DYNC2H1: variants seen among roughly 807,000 people sequenced by gnomAD.
DYNC2H1 encodes the protein cytoplasmic dynein 2 heavy chain 1.
Under a neutral mutation model 570.0 loss-of-function variants are expected in DYNC2H1, and 410 were observed. The observed-to-expected ratio is 0.72, with a 90% CI of 0.66 to 0.78. The LOEUF is 0.78. Among genes scored for constraint, DYNC2H1 ranks in the 30% least tolerant of loss-of-function variants. The pLI is 0.00. For synonymous variants in DYNC2H1, 1,688 were observed against 1,677.6 expected (o/e 1.01, Z -0.15); for missense variants, 4,865 against 5,046.4 (o/e 0.96, Z 1.09).
At chr11:103,188,694 T>C in intron 44 of DYNC2H1, 46 bp downstream of exon 44, 3 of 1,332,230 alleles carry the variant, frequency 2.3e-6, no homozygotes, top group Non-Finnish European at 3.0e-6. Context: ...GAAGATATCA[T>C]ATATAAATGA....
intron 65 of DYNC2H1, among the ~76,000 whole-genome samples, chr11:103,248,693 C>A (rs1469764956): frequency 6.6e-6 from 1 of 151,970 alleles, no homozygotes; most frequent in African/African-American, 2.4e-5. Context: ...GATTCCTTTG[C>A]ACTTTCTGTC....
At chr11:103,173,647 A>G (rs1565366026) in intron 35 of DYNC2H1, among the ~76,000 whole-genome samples, 1 of 152,110 alleles carries the variant, frequency 6.6e-6, no homozygotes, top group Non-Finnish European at 1.5e-5. Flanking sequence ...AATTTTTCTT[A>G]TGTCTTATTT....
intron 87 of DYNC2H1, among the ~76,000 whole-genome samples, chr11:103,467,578 C>A (rs964829079): frequency 6.6e-6 from 1 of 152,066 alleles, no homozygotes; most frequent in Non-Finnish European, 1.5e-5. Context: ...CACTCTGTCG[C>A]CCAGGCTGGA....
At chr11:103,366,728 CTAGAT>C (rs1173911056) in intron 83 of DYNC2H1, among the ~76,000 whole-genome samples, 1 of 152,070 alleles carries the variant, frequency 6.6e-6, no homozygotes, top group Non-Finnish European at 1.5e-5. Context: ...GTCATAATGA[CTAGAT>C]TAGTTAATAC....
intron 83 of DYNC2H1, among the ~76,000 whole-genome samples, chr11:103,386,002 C>G (rs540548430): frequency 2.6e-5 from 4 of 152,102 alleles, no homozygotes; most frequent in Non-Finnish European, 5.9e-5. Flanking sequence ...GCAATCTGAT[C>G]TAGAATACCT....
chr11:103,109,822 G>C, intron 1 of DYNC2H1, 53 bp downstream of exon 1: 3 of 1,549,194 alleles, frequency 1.9e-6, no homozygotes, highest in Non-Finnish European at 2.6e-6. Flanking sequence ...AAGTCCCCAG[G>C]CCCAGCCAGA....
intron 73 of DYNC2H1, among the ~76,000 whole-genome samples, chr11:103,286,042 A>G (rs2135352087): frequency 6.6e-6 from 1 of 152,324 alleles, no homozygotes; most frequent in South Asian, 2.1e-4. Flanking sequence ...CTGATTTAGT[A>G]CTACTTTGGA....
At chr11:103,349,776 A>G (rs1591616040) in intron 82 of DYNC2H1, among the ~76,000 whole-genome samples, 1 of 152,178 alleles carries the variant, frequency 6.6e-6, no homozygotes, top group Non-Finnish European at 1.5e-5. Flanking sequence ...ACCTTGAAAA[A>G]TGATGATGTG....
chr11:103,383,664 CG>C (rs5794231), intron 83 of DYNC2H1, among the ~76,000 whole-genome samples: 99,155 of 151,216 alleles, frequency 0.66, 32,845 homozygotes, highest in Admixed American at 0.72. Context: ...TTAGTAGGGA[CG>C]GGGTTTCACC....
intron 87 of DYNC2H1, among the ~76,000 whole-genome samples, chr11:103,462,252 CTG>C (rs1945041082): frequency 6.6e-6 from 1 of 151,976 alleles, no homozygotes. Flanking sequence ...TTTTGTTCCT[CTG>C]TCTCTCATTC....
At chr11:103,227,974 T>G (rs61896692) in intron 59 of DYNC2H1, among the ~76,000 whole-genome samples, 13,464 of 152,204 alleles carry the variant, frequency 0.088, 782 homozygotes, top group Non-Finnish European at 0.12. Flanking sequence ...TGCTTTAAAG[T>G]TTGTTATGTC....
chr11:103,288,428 G>GA (rs1465477413), intron 75 of DYNC2H1, among the ~76,000 whole-genome samples: 1 of 151,924 alleles, frequency 6.6e-6, no homozygotes, highest in Non-Finnish European at 1.5e-5. Flanking sequence ...ACCTTGGGAA[G>GA]GAATTTAGTT....
At position 103,153,373 on chromosome 11, in the gene DYNC2H1, C is replaced by CTAAATTTAAAGCTAAA. The variant is rs1860659919; in HGVS notation, c.3168_3169insAAATTTAAAGCTAAAT (p.Arg1057LysfsTer14). On this transcript the variant is annotated frameshift_variant, in exon 22 of 89. Coordinates refer to ENST00000375735, the MANE Select transcript of DYNC2H1 (RefSeq NM_001377.3). LOFTEE classifies it high-confidence loss of function. ...TATCAAGAACTGGAAAAATTTAAAG[C>CTAAATTTAAAGCTAAA]TCGTTGGGACCAACTAAAGCCTGGT... The CTAAATTTAAAGCTAAA allele has an allele frequency of 6.5e-7, 1 of 1,549,012 alleles. No homozygotes were observed. The highest frequency in any genetic ancestry group is 2.4e-5 in the East Asian group (1 of 40,992).
chr11:103,113,402 T>C (rs1858207476), intron 1 of DYNC2H1, 135 bp from the exon 2 acceptor site: 1 of 565,992 alleles, frequency 1.8e-6, no homozygotes, highest in African/African-American at 2.0e-5. Flanking sequence ...AAGAGATAAA[T>C]TGGTTTTAAT....
At position 103,453,756 on chromosome 11, in the gene DYNC2H1, A is replaced by G. The variant is rs989976666; in HGVS notation, c.12457-1430A>G. Among the ~76,000 whole-genome samples, 15 of 151,440 alleles carry G rather than the reference A, an allele frequency of 9.9e-5. 2 individuals carry two copies. The highest frequency in any genetic ancestry group is 9.2e-4 in the Admixed American group (14 of 15,232). The stretch of plus-strand genomic sequence containing the variant: ...ATACTTATTAAATGACTGTTTTAAA[A>G]TAACTGTTATAAAATAACAGGAATA... On this transcript the variant is annotated intron_variant, in intron 85 of 88. Transcript: ENST00000375735.
chr11:103,176,542 G>T, intron 37 of DYNC2H1, 108 bp downstream of exon 37: 1 of 898,672 alleles, frequency 1.1e-6, no homozygotes, highest in Non-Finnish European at 1.5e-6. Context: ...TTTCAACTTA[G>T]ATCTCACTTG....
At chr11:103,293,013 TA>T (rs1179086205) in intron 75 of DYNC2H1, among the ~76,000 whole-genome samples, 4 of 152,276 alleles carry the variant, frequency 2.6e-5, no homozygotes, top group African/African-American at 9.6e-5. Flanking sequence ...TCTGTATACT[TA>T]CTTTTACCAG....
Position 103,479,420 on chromosome 11 carries a change from TC to T in DYNC2H1, c.*168del. 1 of 577,436 alleles carries T rather than the reference TC, an allele frequency of 1.7e-6. No homozygotes were observed. Among genetic ancestry groups the T allele is most frequent in the Non-Finnish European group, 2.7e-6 (1 of 374,210 alleles). 35.8% of individuals were successfully genotyped at this position (577,436 alleles called of 1,614,324 possible). On this transcript the variant is annotated 3_prime_UTR_variant, in exon 89 of 89. Transcript: ENST00000375735. ...TAATGTGTAAAAGCAGCACTGTGCATCTTTTAAAGTAATAAATTAATGGAGT... is the reference window on the plus strand; with the variant it reads ...TAATGTGTAAAAGCAGCACTGTGCATTTTTAAAGTAATAAATTAATGGAGT...
chr11:103,191,431 C>T, intron 45 of DYNC2H1, 86 bp from the exon 46 acceptor site: 2 of 940,316 alleles, frequency 2.1e-6, no homozygotes, highest in South Asian at 3.4e-5. Context: ...ATTGGTATTC[C>T]TCTGAGTCTA....
Sources: gnomAD v4.1 joint callset for allele counts (sites outside exome capture counted in the v4.1 genomes callset) on GRCh38, gnomAD v4.1.1 for gene constraint, MANE v1.5 for transcripts, NCBI Gene and HGNC (gene_info 2026-07-23, HGNC 2026-07-21) for gene names.